FAT4: variants seen among roughly 807,000 people sequenced by gnomAD.
FAT4 encodes the protein FAT atypical cadherin 4, also known as protocadherin Fat 4.
FAT4 carries 84 observed loss-of-function variants against 303.9 expected under a neutral mutation model. That is an observed-to-expected ratio of 0.28 (90% CI 0.23 to 0.33). FAT4 has a LOEUF of 0.33. Ranked by LOEUF, FAT4 falls within the 10% of genes least tolerant of loss-of-function variation. The probability of loss-of-function intolerance (pLI) is 1.00; values close to 1 mark genes in which losing one functional copy is unlikely to be tolerated. For missense variants in FAT4, 6,005 were observed against 6,146.8 expected (o/e 0.98, Z 0.77); for synonymous variants, 2,307 against 2,298.8 (o/e 1.00, Z -0.10).
intron 2 of FAT4, among the ~76,000 whole-genome samples, chr4:125,357,212 T>A (rs1732465122): frequency 6.6e-6 from 1 of 152,128 alleles, no homozygotes; most frequent in African/African-American, 2.4e-5. Flanking sequence ...TGAAACCTTT[T>A]AGGGAGTTAT....
chr4:125,419,566 T>G (rs2126031574), intron 7 of FAT4, among the ~76,000 whole-genome samples: 1 of 152,308 alleles, frequency 6.6e-6, no homozygotes, highest in Admixed American at 6.5e-5. Context: ...ATAAATTAGA[T>G]AATCATACCC....
At chr4:125,364,073 G>T (rs28505007) in intron 2 of FAT4, among the ~76,000 whole-genome samples, 6,124 of 152,024 alleles carry the variant, frequency 0.04, 393 homozygotes, top group African/African-American at 0.13. Flanking sequence ...ACTGATGGAG[G>T]TTCTTGAAAC....
intron 2 of FAT4, among the ~76,000 whole-genome samples, chr4:125,343,767 T>C (rs946246377): frequency 1.3e-5 from 2 of 152,154 alleles, no homozygotes; most frequent in Non-Finnish European, 2.9e-5. Flanking sequence ...AGCATATTAT[T>C]AGGCAGGTTG....
chr4:125,468,386 T>A (rs1254492538), intron 11 of FAT4, 126 bp from the exon 12 acceptor site: 6 of 585,798 alleles, frequency 1.0e-5, no homozygotes, highest in Non-Finnish European at 1.6e-5. Flanking sequence ...TTAGATGAAA[T>A]TTTTTGGAAA....
chr4:125,468,247 T>C (rs888642753), intron 11 of FAT4, among the ~76,000 whole-genome samples: 19 of 152,178 alleles, frequency 1.2e-4, no homozygotes, highest in African/African-American at 3.6e-4. Flanking sequence ...GCCTTTCATT[T>C]TGAGAAACAA....
At chr4:125,403,004 T>G (rs1734445616) in intron 3 of FAT4, among the ~76,000 whole-genome samples, 1 of 152,050 alleles carries the variant, frequency 6.6e-6, no homozygotes, top group Admixed American at 6.6e-5. Context: ...CCCATGGATA[T>G]ATGGCAACTC....
chr4:125,473,048 T>C (rs2126080472), intron 12 of FAT4, among the ~76,000 whole-genome samples: 1 of 152,274 alleles, frequency 6.6e-6, no homozygotes, highest in South Asian at 2.1e-4. Flanking sequence ...TAGTGTTTAC[T>C]TAATAAAATT....
chr4:125,419,821 T>G (rs183414555), intron 7 of FAT4, among the ~76,000 whole-genome samples: 2 of 152,286 alleles, frequency 1.3e-5, no homozygotes, highest in East Asian at 3.9e-4. Context: ...TGGAAGTATT[T>G]ACACCCTGGA....
At chr4:125,400,256 C>T (rs1318352450) in intron 3 of FAT4, among the ~76,000 whole-genome samples, 1 of 151,718 alleles carries the variant, frequency 6.6e-6, no homozygotes, top group Non-Finnish European at 1.5e-5. Flanking sequence ...GCTATTTACT[C>T]CATGGAATAT....
At chr4:125,440,610 T>TGTGTGTGTGTGTGTGAGA (rs372756130) in intron 8 of FAT4, among the ~76,000 whole-genome samples, 13 of 75,750 alleles carry the variant, frequency 1.7e-4, no homozygotes, top group Admixed American at 1.6e-3. Flanking sequence ...TGTGTGTGTG[T>TGTGTGTGTGTGTGTGAGA]GAGAGAGAGA....
At chr4:125,368,872 T>C (rs1025580948) in intron 2 of FAT4, among the ~76,000 whole-genome samples, 1 of 152,126 alleles carries the variant, frequency 6.6e-6, no homozygotes, top group Non-Finnish European at 1.5e-5. Flanking sequence ...CAGATGTTAC[T>C]TGAAGGAATT....
At chr4:125,434,157 C>G in intron 7 of FAT4, 88 bp from the exon 8 acceptor site, 1 of 1,229,142 alleles carries the variant, frequency 8.1e-7, no homozygotes, top group Non-Finnish European at 1.1e-6. Context: ...CCTAAATTCT[C>G]TTTAGTAATT....
intron 2 of FAT4, among the ~76,000 whole-genome samples, chr4:125,356,010 A>G (rs1424214244): frequency 6.6e-6 from 1 of 151,910 alleles, no homozygotes; most frequent in African/African-American, 2.4e-5. Flanking sequence ...GCAGTGTATC[A>G]CAAGTATTTT....
At chr4:125,433,612 A>G (rs1725351406) in intron 7 of FAT4, among the ~76,000 whole-genome samples, 1 of 152,220 alleles carries the variant, frequency 6.6e-6, no homozygotes, top group Admixed American at 6.5e-5. Context: ...ATAAAAATGA[A>G]TCATTTCACG....
chr4:125,365,711 G>C (rs746730185), intron 2 of FAT4, among the ~76,000 whole-genome samples: 13 of 152,108 alleles, frequency 8.5e-5, no homozygotes, highest in Admixed American at 3.9e-4. Context: ...ATATGATAAA[G>C]TAATAGAAAA....
intron 2 of FAT4, among the ~76,000 whole-genome samples, chr4:125,344,131 G>A (rs1731909037): frequency 1.3e-5 from 2 of 152,144 alleles, no homozygotes; most frequent in African/African-American, 2.4e-5. Context: ...GAGCAATGCT[G>A]TAAGTTTTCC....
chr4:125,321,312 A>G lies in FAT4; in HGVS notation c.4901A>G (p.Tyr1634Cys). Reference protein sequence around the residue: ...LDGPVFTQPKYITILKEGEPI... With the variant: ...LDGPVFTQPKCITILKEGEPI... Reference sequence around the variant, plus strand: ...GGACCTGTTTTTACTCAACCCAAATATATAACTATTTTGAAGGAAGGAGAA... The same window carrying G: ...GGACCTGTTTTTACTCAACCCAAATGTATAACTATTTTGAAGGAAGGAGAA... Residue 1634 changes from tyrosine (Y) to cysteine (C), a missense_variant, in exon 2 of 18, where the codon TAT becomes TGT. Coordinates refer to ENST00000394329, the MANE Select transcript of FAT4 (RefSeq NM_001291303.3). 1 of 1,614,118 alleles carries G rather than the reference A, an allele frequency of 6.2e-7. No homozygotes were observed. Among genetic ancestry groups the G allele is most frequent in the Non-Finnish European group, 8.5e-7 (1 of 1,180,008 alleles).
chr4:125,430,452 A>C (rs906537783), intron 7 of FAT4, among the ~76,000 whole-genome samples: 2 of 152,196 alleles, frequency 1.3e-5, no homozygotes, highest in Non-Finnish European at 2.9e-5. Flanking sequence ...CCCCATTCAC[A>C]GGAATAATAG....
intron 10 of FAT4, among the ~76,000 whole-genome samples, chr4:125,460,619 T>C (rs1192742938): frequency 6.6e-6 from 1 of 152,136 alleles, no homozygotes; most frequent in Non-Finnish European, 1.5e-5. Flanking sequence ...ATAATCTTGT[T>C]CTTTTTTATG....
Sources: allele counts gnomAD v4.1 joint callset (sites outside exome capture counted in the v4.1 genomes callset), GRCh38; gene constraint gnomAD v4.1.1; transcripts MANE v1.5; gene names NCBI Gene and HGNC (gene_info 2026-07-23, HGNC 2026-07-21).